STXBP5L: variants seen among roughly 807,000 people sequenced by gnomAD.
The protein encoded by STXBP5L is syntaxin-binding protein 5-like.
Under a neutral mutation model 144.5 loss-of-function variants are expected in STXBP5L, and 65 were observed. The observed-to-expected ratio is 0.45, with a 90% CI of 0.37 to 0.55. The LOEUF (loss-of-function observed/expected upper bound fraction) is 0.55. STXBP5L is among the 20% of genes least tolerant of loss of function. The pLI is 0.00. For synonymous variants in STXBP5L, 505 were observed against 469.6 expected (o/e 1.08, Z -0.97); for missense variants, 1,298 against 1,405.5 (o/e 0.92, Z 1.22).
intron 17 of STXBP5L, 133 bp downstream of exon 17, chr3:121,257,466 C>T: frequency 1.4e-6 from 1 of 721,118 alleles, no homozygotes. Context: ...AGGGGTTACT[C>T]TGGTCTTTTC....
intron 7 of STXBP5L, among the ~76,000 whole-genome samples, chr3:121,129,722 TTGTC>T (rs1455866505): frequency 6.6e-6 from 1 of 152,102 alleles, no homozygotes; most frequent in Non-Finnish European, 1.5e-5. Context: ...GTAATCTTGA[TTGTC>T]TGGACATTCT....
chr3:121,182,452 T>G (rs2047196030), intron 9 of STXBP5L, among the ~76,000 whole-genome samples: 1 of 152,086 alleles, frequency 6.6e-6, no homozygotes, highest in Non-Finnish European at 1.5e-5. Flanking sequence ...AGATTTAAAT[T>G]TAGAAATTAT....
chr3:121,106,468 C>T (rs2043713968), intron 5 of STXBP5L, among the ~76,000 whole-genome samples: 1 of 152,104 alleles, frequency 6.6e-6, no homozygotes, highest in East Asian at 1.9e-4. Context: ...TTGTTCAGCT[C>T]CTACTTAATA....
intron 3 of STXBP5L, among the ~76,000 whole-genome samples, chr3:120,979,703 A>G (rs1380046161): frequency 6.6e-6 from 1 of 152,020 alleles, no homozygotes; most frequent in Admixed American, 6.6e-5. Flanking sequence ...GCCAGCTCCG[A>G]TCCTTTGTAT....
intron 23 of STXBP5L, among the ~76,000 whole-genome samples, chr3:121,407,888 CA>C (rs1421649988): frequency 2.0e-5 from 3 of 151,872 alleles, no homozygotes; most frequent in African/African-American, 7.2e-5. Context: ...AATCATTCAA[CA>C]AATATTTATT....
intron 19 of STXBP5L, among the ~76,000 whole-genome samples, chr3:121,283,894 C>G (rs338985): frequency 7.5e-6 from 1 of 133,646 alleles, no homozygotes; most frequent in African/African-American, 3.0e-5. Flanking sequence ...TGTGTGTGTG[C>G]TTGTGTGTGT....
rs899234521 is a variant in STXBP5L, at chr3:120,922,759, G to A, written c.189+12992G>A. On this transcript the variant is annotated intron_variant, in intron 2 of 26. Coordinates refer to ENST00000471454, the MANE Select transcript of STXBP5L (RefSeq NM_001308330.2). ...TGGTTGTGTTAGTGTGATATATCAC[G>A]TTTATTGTTTTGCATTTGTGGAGGA... is the stretch of plus-strand genomic sequence containing the variant. Among the ~76,000 whole-genome samples, 10 of 151,918 alleles carry A rather than the reference G, an allele frequency of 6.6e-5. No individual in the cohort carries two copies. In the South Asian group the frequency reaches 2.1e-3, roughly 32 times the overall value.
intron 19 of STXBP5L, among the ~76,000 whole-genome samples, chr3:121,311,356 G>T (rs370020330): frequency 6.6e-6 from 1 of 152,160 alleles, no homozygotes; most frequent in Non-Finnish European, 1.5e-5. Context: ...CAAAGATTTT[G>T]ACATATAGGT....
At chr3:120,947,026 A>G (rs1474927560) in intron 2 of STXBP5L, among the ~76,000 whole-genome samples, 1 of 151,762 alleles carries the variant, frequency 6.6e-6, no homozygotes, top group Non-Finnish European at 1.5e-5. Flanking sequence ...TGCTTCAAAT[A>G]TCTAGATAGA....
chr3:121,327,066 C>T (rs572442237), intron 20 of STXBP5L, among the ~76,000 whole-genome samples: 1 of 152,204 alleles, frequency 6.6e-6, no homozygotes, highest in Non-Finnish European at 1.5e-5. Context: ...AGATGTAGAA[C>T]CAATGATCTG....
At chr3:121,003,125 T>G (rs984769074) in intron 3 of STXBP5L, among the ~76,000 whole-genome samples, 30 of 152,162 alleles carry the variant, frequency 2.0e-4, no homozygotes, top group Admixed American at 3.9e-4. Context: ...CCCGAGGAAT[T>G]GCCACACTGA....
At chr3:121,177,617 C>G (rs1033295808) in intron 9 of STXBP5L, among the ~76,000 whole-genome samples, 3 of 152,066 alleles carry the variant, frequency 2.0e-5, no homozygotes, top group African/African-American at 4.8e-5. Flanking sequence ...AAAACAAAAA[C>G]TAGAAAATAA....
intron 9 of STXBP5L, among the ~76,000 whole-genome samples, chr3:121,169,631 C>T (rs1273005460): frequency 6.6e-6 from 1 of 152,104 alleles, no homozygotes; most frequent in Non-Finnish European, 1.5e-5. Context: ...GGAATCAATG[C>T]AACAAGAAGA....
chr3:121,360,174 T>C (rs985703254), intron 20 of STXBP5L, among the ~76,000 whole-genome samples: 1 of 150,836 alleles, frequency 6.6e-6, no homozygotes, highest in Non-Finnish European at 1.5e-5. Flanking sequence ...TCTCTTCTTA[T>C]AGTTTTTATC....
intron 6 of STXBP5L, among the ~76,000 whole-genome samples, chr3:121,119,880 G>A (rs571604558): frequency 1.7e-4 from 25 of 151,236 alleles, no homozygotes; most frequent in African/African-American, 5.1e-4. Flanking sequence ...TACAAATAAC[G>A]GAAGTTTAAT....
rs933036355 is a variant in STXBP5L, at chr3:120,961,469, C to T, written c.287+6432C>T. On this transcript the variant is annotated intron_variant, in intron 3 of 26. Coordinates refer to ENST00000471454, the MANE Select transcript of STXBP5L (RefSeq NM_001308330.2). ...CCCCAGTGTGTGATGTTCCCCGCCC[C>T]GTGTGTGAGTGATCTCATTGTTCAA... Among the ~76,000 whole-genome samples, 19 of 151,914 alleles carry T rather than the reference C, an allele frequency of 1.3e-4. 1 individual carries two copies. Among genetic ancestry groups the T allele is most frequent in the African/African-American group, 4.8e-5 (2 of 41,360 alleles).
At chr3:121,006,207 A>G (rs886442301) in intron 3 of STXBP5L, among the ~76,000 whole-genome samples, 1 of 152,088 alleles carries the variant, frequency 6.6e-6, no homozygotes, top group Non-Finnish European at 1.5e-5. Flanking sequence ...GTGGGTCTCT[A>G]AGGACTTGCT....
intron 2 of STXBP5L, among the ~76,000 whole-genome samples, chr3:120,920,166 C>T (rs1004062811): frequency 4.6e-5 from 7 of 151,780 alleles, no homozygotes; most frequent in African/African-American, 1.4e-4. Flanking sequence ...CTTTAAGTCA[C>T]AGTTTCTCTT....
At chr3:121,108,659 A>G (rs1028125356) in intron 5 of STXBP5L, among the ~76,000 whole-genome samples, 1 of 152,114 alleles carries the variant, frequency 6.6e-6, no homozygotes, top group Non-Finnish European at 1.5e-5. Flanking sequence ...TCATCAGGAT[A>G]TTGGCCTGAA....
Sources: gnomAD v4.1 joint callset for allele counts (sites outside exome capture counted in the v4.1 genomes callset) on GRCh38, gnomAD v4.1.1 for gene constraint, MANE v1.5 for transcripts, NCBI Gene and HGNC (gene_info 2026-07-23, HGNC 2026-07-21) for gene names.